The following MCF2L2 variants were observed in gnomAD, a reference collection of about 807,000 sequenced individuals.
MCF2L2 encodes probable guanine nucleotide exchange factor MCF2L2.
In MCF2L2, 102 loss-of-function variants were observed where a neutral mutation model predicts 150.2. The observed-to-expected ratio is 0.68, with a 90% CI of 0.58 to 0.80. The LOEUF is 0.80. MCF2L2 is among the 30% of genes least tolerant of loss of function. MCF2L2 has a pLI of 0.00. For missense variants in MCF2L2, 1,256 were observed against 1,372.8 expected (o/e 0.91, Z 1.34); for synonymous variants, 465 against 491.3 (o/e 0.95, Z 0.71).
At chr3:183,212,944 AT>A (rs1722785284) in intron 22 of MCF2L2, among the ~76,000 whole-genome samples, 1 of 8,774 alleles carries the variant, frequency 1.1e-4, no homozygotes, top group Non-Finnish European at 2.2e-4. Flanking sequence ...TAATATAGGT[AT>A]TGTGGGGGGG....
chr3:183,241,071 TGA>T (rs1724003171), intron 15 of MCF2L2, among the ~76,000 whole-genome samples: 1 of 152,140 alleles, frequency 6.6e-6, no homozygotes, highest in African/African-American at 2.4e-5. Flanking sequence ...ATGATTCCAA[TGA>T]GTGTGATAAG....
At chr3:183,426,856 C>T (rs1438536468) in intron 1 of MCF2L2, among the ~76,000 whole-genome samples, 1 of 152,204 alleles carries the variant, frequency 6.6e-6, no homozygotes, top group Non-Finnish European at 1.5e-5. Context: ...TGGGCCTTCC[C>T]ATATAAATCA....
intron 2 of MCF2L2, among the ~76,000 whole-genome samples, chr3:183,382,544 G>A (rs1158093923): frequency 6.6e-6 from 1 of 152,134 alleles, no homozygotes; most frequent in African/African-American, 2.4e-5. Flanking sequence ...AAACAGAGCT[G>A]GACTTAACTG....
At chr3:183,334,407 A>G (rs1730386451) in intron 5 of MCF2L2, among the ~76,000 whole-genome samples, 1 of 152,156 alleles carries the variant, frequency 6.6e-6, no homozygotes, top group Non-Finnish European at 1.5e-5. Flanking sequence ...GGGGATCAAA[A>G]TTCACATCAC....
chr3:183,216,379 GAATT>G (rs1365415928), intron 21 of MCF2L2, among the ~76,000 whole-genome samples: 2 of 144,554 alleles, frequency 1.4e-5, no homozygotes, highest in Non-Finnish European at 3.0e-5. Flanking sequence ...GAAACATATA[GAATT>G]CAGCTATATA....
At chr3:183,216,169 A>G in intron 21 of MCF2L2, 75 bp from the exon 22 acceptor site, 1 of 1,536,816 alleles carries the variant, frequency 6.5e-7, no homozygotes, top group Non-Finnish European at 8.9e-7. Context: ...CAGGACAGAG[A>G]TGAGGAGCCA....
chr3:183,355,614 T>A (rs1431140721), intron 3 of MCF2L2, among the ~76,000 whole-genome samples: 3 of 66,408 alleles, frequency 4.5e-5, no homozygotes, highest in Non-Finnish European at 8.1e-5. Context: ...GCCCAGCTAA[T>A]TTTTTTTTTT....
intron 3 of MCF2L2, among the ~76,000 whole-genome samples, chr3:183,368,686 C>A (rs1712682414): frequency 6.6e-6 from 1 of 152,162 alleles, no homozygotes; most frequent in Non-Finnish European, 1.5e-5. Context: ...ACTGCTTGAA[C>A]CCAAGAGGCA....
chr3:183,276,588 T>C (rs1427922634), intron 15 of MCF2L2: 6 of 350,458 alleles, frequency 1.7e-5, no homozygotes, highest in Middle Eastern at 7.5e-4. Flanking sequence ...ATTCAGTCAA[T>C]ATCAACATTA....
At chr3:183,427,055 G>A (rs16857474) in intron 1 of MCF2L2, among the ~76,000 whole-genome samples, 13,831 of 152,250 alleles carry the variant, frequency 0.091, 679 homozygotes, top group African/African-American at 0.12. Flanking sequence ...TTCATGGGAG[G>A]ACCTCCAAGC....
At chr3:183,401,086 C>A (rs1025954869) in intron 1 of MCF2L2, among the ~76,000 whole-genome samples, 4 of 152,138 alleles carry the variant, frequency 2.6e-5, no homozygotes, top group African/African-American at 9.7e-5. Context: ...TAGTCTGATT[C>A]TCAAACAAGG....
rs368523047 is a variant in MCF2L2 at position 183,392,314 on chromosome 3, C to G, written c.77-2535G>C. Among the ~76,000 whole-genome samples the G allele has an allele frequency of 6.6e-5, 10 of 152,242 alleles. No individual in the cohort carries two copies. The South Asian group carries it at 1.0e-3, about 16-fold the overall frequency. ...TAACTGTAGAGCCCGGATCACCTGA[C>G]GCTAAGAGGGCAAACCTCGGCCACG... On this transcript the variant is annotated intron_variant, in intron 1 of 29. Transcript: ENST00000328913.
At chr3:183,200,085 T>C (rs542470945) in intron 25 of MCF2L2, among the ~76,000 whole-genome samples, 2 of 152,330 alleles carry the variant, frequency 1.3e-5, no homozygotes, top group South Asian at 4.1e-4. Flanking sequence ...GCAATAAACA[T>C]ACGTGTGCAT....
At chr3:183,388,882 A>G (rs759412008) in intron 2 of MCF2L2, among the ~76,000 whole-genome samples, 10 of 152,182 alleles carry the variant, frequency 6.6e-5, no homozygotes, top group Non-Finnish European at 1.3e-4. Context: ...TTAATATCCC[A>G]TGTTGTAGAA....
At chr3:183,320,780 G>A (rs969239908) in intron 6 of MCF2L2, among the ~76,000 whole-genome samples, 1 of 152,264 alleles carries the variant, frequency 6.6e-6, no homozygotes, top group South Asian at 2.1e-4. Context: ...ACAACTAGGC[G>A]AACTGGCTAG....
At chr3:183,260,779 T>C (rs977027961) in intron 15 of MCF2L2, among the ~76,000 whole-genome samples, 8 of 152,234 alleles carry the variant, frequency 5.3e-5, no homozygotes, top group African/African-American at 1.7e-4. Context: ...GTAGGTTTTA[T>C]TACCCAGCTT....
At position 183,337,729 on chromosome 3, in the gene MCF2L2, C is replaced by T. The variant is rs558300207; in HGVS notation, c.486+1071G>A. ...ATTCTCAATCTTTTACCTTTATAAA[C>T]AGCTTAATAATGAATATCGCTGTCT... On this transcript the variant is annotated intron_variant, in intron 5 of 29. Transcript: ENST00000328913. 1.3e-5 allele frequency among the ~76,000 whole-genome samples: 2 copies of T among 152,196 alleles called. 1 individual carries two copies. The highest frequency in any genetic ancestry group is 1.3e-4 in the Admixed American group (2 of 15,280).
In MCF2L2 at chr3:183,179,600, T is replaced by C; in HGVS notation, c.3198A>G (p.Lys1066=). 1.2e-6 allele frequency: 2 copies of C among 1,614,096 alleles called. No individual in the cohort carries two copies. Among genetic ancestry groups the C allele is most frequent in the Non-Finnish European group, 1.7e-6 (2 of 1,179,962 alleles). The change falls in exon 29 of 30, where the codon AAA becomes AAG. Residue 1066 remains lysine (K), a synonymous_variant. Transcript: ENST00000328913. This position sits in a 1 kb window ranked among gnomAD's most constrained non-coding sequence, Gnocchi z 4.2. ...ACGTTTCCTCCTCATCGCGTTCTTC[T>C]TTTTCTCCCTGGCTGCTTTCTCCCC... The part of the protein sequence containing the change: ...LERGESSQGE[K]EERDEEETAT...
chr3:183,199,290 G>A (rs1418391159), intron 25 of MCF2L2, among the ~76,000 whole-genome samples: 2 of 152,110 alleles, frequency 1.3e-5, no homozygotes, highest in Non-Finnish European at 2.9e-5. Flanking sequence ...TACCCAAAAT[G>A]CAAACCACTG....
Sources: allele counts gnomAD v4.1 joint callset (sites outside exome capture counted in the v4.1 genomes callset), GRCh38; gene constraint gnomAD v4.1.1; non-coding constraint Gnocchi (gnomAD v3.1); transcripts MANE v1.5; gene names NCBI Gene and HGNC (gene_info 2026-07-23, HGNC 2026-07-21).